Variants in SYN3 observed in about 807,000 individuals in gnomAD.
SYN3 encodes synapsin III, also known as synapsin-3.
In SYN3, 35 loss-of-function variants were observed where a neutral mutation model predicts 65.8. The observed-to-expected ratio is 0.53, with a 90% CI of 0.41 to 0.70. SYN3 has a LOEUF of 0.70. Among genes scored for constraint, SYN3 ranks in the 30% least tolerant of loss-of-function variants. The probability of loss-of-function intolerance (pLI) is 0.00; values close to 1 mark genes in which losing one functional copy is unlikely to be tolerated. For missense variants in SYN3, 680 were observed against 749.0 expected, an observed-to-expected ratio of 0.91 and a Z score of 1.08; for synonymous variants, 270 against 292.9, an observed-to-expected ratio of 0.92 and a Z score of 0.80.
intron 1 of SYN3, among the ~76,000 whole-genome samples, chr22:33,029,899 A>G (rs2053718738): frequency 6.6e-6 from 1 of 151,914 alleles, no homozygotes; most frequent in African/African-American, 2.4e-5. Context: ...TCCATTCCCC[A>G]CGCCCTGACC....
chr22:33,055,540 C>T (rs2054240825), intron 1 of SYN3, among the ~76,000 whole-genome samples: 1 of 152,206 alleles, frequency 6.6e-6, no homozygotes, highest in Non-Finnish European at 1.5e-5. Context: ...GAAATATGTG[C>T]TAAACCCTGT....
At chr22:33,035,337 C>G (rs865844131) in intron 1 of SYN3, among the ~76,000 whole-genome samples, 3 of 91,822 alleles carry the variant, frequency 3.3e-5, no homozygotes, top group Non-Finnish European at 6.9e-5. Context: ...GGGACCCCCC[C>G]CCCCCCCGCC....
chr22:32,769,667 G>A (rs1323352714), intron 6 of SYN3, among the ~76,000 whole-genome samples: 3 of 152,026 alleles, frequency 2.0e-5, no homozygotes, highest in South Asian at 2.1e-4. Flanking sequence ...ACAGGCATGC[G>A]CCACCATGTC....
intron 1 of SYN3, among the ~76,000 whole-genome samples, chr22:33,052,892 C>A (rs2054194281): frequency 6.6e-6 from 1 of 150,652 alleles, no homozygotes; most frequent in Admixed American, 6.6e-5. Context: ...ACATACAGAT[C>A]ATCATTTTTC....
intron 2 of SYN3, among the ~76,000 whole-genome samples, chr22:33,000,410 T>C (rs1328863757): frequency 1.3e-5 from 2 of 152,092 alleles, no homozygotes; most frequent in Non-Finnish European, 2.9e-5. Context: ...CTCCTGAAGA[T>C]GAAAGGTCTC....
intron 1 of SYN3, among the ~76,000 whole-genome samples, chr22:33,047,908 G>A (rs1055019798): frequency 6.6e-6 from 1 of 150,664 alleles, no homozygotes; most frequent in Non-Finnish European, 1.5e-5. Flanking sequence ...GAGAGGTTAG[G>A]TAACATGACC....
rs554781966 is a variant in SYN3 at position 32,694,075 on chromosome 22, C to CTATT, written c.712-97343_712-97340dup. Among the ~76,000 whole-genome samples the CTATT allele has an allele frequency of 1.2e-3, 182 of 151,356 alleles. 2 individuals are homozygous for CTATT. Among genetic ancestry groups the CTATT allele is most frequent in the East Asian group, 4.1e-3 (21 of 5,158 alleles). Reference sequence around the variant, plus strand: ...TTTTTTCCTTTGTTTTGTTTGTGAGCTATTTATTTATTTATTTATTTATTT... The same window carrying CTATT: ...TTTTTTCCTTTGTTTTGTTTGTGAGCTATTTATTTATTTATTTATTTATTTATTT... On this transcript the variant is annotated intron_variant, in intron 6 of 13. Transcript: ENST00000358763.
intron 4 of SYN3, among the ~76,000 whole-genome samples, chr22:32,910,510 A>T (rs1389665856): frequency 6.6e-6 from 1 of 152,070 alleles, no homozygotes; most frequent in Non-Finnish European, 1.5e-5. Context: ...TTTATTGAGT[A>T]CGTTCTTTGT....
chr22:32,674,796 A>C (rs967629659), intron 6 of SYN3, among the ~76,000 whole-genome samples: 221 of 152,304 alleles, frequency 1.5e-3, no homozygotes, highest in African/African-American at 4.6e-3. Context: ...AATAACTTTC[A>C]TTGTCATCAT....
chr22:32,746,498 G>A (rs1448988204), intron 6 of SYN3, among the ~76,000 whole-genome samples: 2 of 152,320 alleles, frequency 1.3e-5, no homozygotes, highest in Admixed American at 6.5e-5. Context: ...CCACAGGGAT[G>A]AGGAGGTGCT....
chr22:32,723,427 G>A (rs2061147176), intron 6 of SYN3, among the ~76,000 whole-genome samples: 1 of 152,182 alleles, frequency 6.6e-6, no homozygotes, highest in Non-Finnish European at 1.5e-5. Flanking sequence ...ACAGAGACGT[G>A]GGGACTGCCT....
chr22:32,658,039 T>A (rs2060166167), intron 6 of SYN3, among the ~76,000 whole-genome samples: 1 of 152,188 alleles, frequency 6.6e-6, no homozygotes, highest in Admixed American at 6.5e-5. Flanking sequence ...GGTAGCCTTG[T>A]TAAAGCCTCT....
intron 6 of SYN3, chr22:32,783,111 T>C (rs529932011): frequency 1.3e-5 from 2 of 152,344 alleles, no homozygotes; most frequent in South Asian, 2.1e-4. Flanking sequence ...CCCCTTCTTA[T>C]CTTTACTTAG....
At chr22:32,775,417 C>T (rs1449230398) in intron 6 of SYN3, among the ~76,000 whole-genome samples, 1 of 152,170 alleles carries the variant, frequency 6.6e-6, no homozygotes, top group Non-Finnish European at 1.5e-5. Flanking sequence ...CTGTGGAATG[C>T]CAAGAGAGTG....
At chr22:32,868,210 AAAC>A (rs940909630) in intron 5 of SYN3, among the ~76,000 whole-genome samples, 20 of 152,282 alleles carry the variant, frequency 1.3e-4, no homozygotes, top group African/African-American at 4.6e-4. Context: ...AATGTTCATA[AAAC>A]AATATGGTGC....
intron 6 of SYN3, among the ~76,000 whole-genome samples, chr22:32,774,405 G>T (rs1164313907): frequency 6.6e-6 from 1 of 152,012 alleles, no homozygotes; most frequent in Non-Finnish European, 1.5e-5. Flanking sequence ...GAATGCCCAG[G>T]ATTGCTAGCA....
At chr22:32,652,278 T>C (rs1265488287) in intron 6 of SYN3, among the ~76,000 whole-genome samples, 3 of 152,018 alleles carry the variant, frequency 2.0e-5, no homozygotes, top group Non-Finnish European at 4.4e-5. Context: ...AGAACTCGTA[T>C]GGGTTCTCAG....
At chr22:32,573,948 T>A (rs1021699295) in intron 7 of SYN3, among the ~76,000 whole-genome samples, 43 of 151,268 alleles carry the variant, frequency 2.8e-4, no homozygotes, top group Middle Eastern at 3.4e-3. Context: ...TTTTTTTTTT[T>A]TTTTATTTTA....
intron 6 of SYN3, among the ~76,000 whole-genome samples, chr22:32,756,426 AAAT>A (rs1233449437): frequency 6.6e-6 from 1 of 152,188 alleles, no homozygotes; most frequent in African/African-American, 2.4e-5. Flanking sequence ...GTATAATAAA[AAAT>A]AATAATTTAT....
Sources: gnomAD v4.1 joint callset for allele counts (sites outside exome capture counted in the v4.1 genomes callset) on GRCh38, gnomAD v4.1.1 for gene constraint, MANE v1.5 for transcripts, NCBI Gene and HGNC (gene_info 2026-07-23, HGNC 2026-07-21) for gene names.